DCDC2: variants seen among roughly 807,000 people sequenced by gnomAD.
DCDC2 encodes the protein doublecortin domain containing 2, also known as doublecortin domain-containing protein 2.
In DCDC2, 40 loss-of-function variants were observed where a neutral mutation model predicts 50.2. The ratio of observed to expected loss-of-function variants is 0.80; its 90% CI spans 0.62 to 1.04. DCDC2 has a LOEUF of 1.04. Among genes scored for constraint, DCDC2 ranks in the 50% least tolerant of loss-of-function variants. DCDC2 has a pLI of 0.00. For synonymous variants in DCDC2, 234 were observed against 210.6 expected (o/e 1.11, Z -0.96); for missense variants, 570 against 581.9 (o/e 0.98, Z 0.21).
At position 24,180,348 on chromosome 6, in the gene DCDC2, G is replaced by A. The variant is rs139944952; in HGVS notation, c.1024-1716C>T. Among the ~76,000 whole-genome samples the A allele has an allele frequency of 5.0e-4, 76 of 151,962 alleles. 1 individual carries two copies. In the East Asian group the frequency reaches 0.013, roughly 25 times the overall value. ...CGCCCTGGCTGGAGTGCAGTGGTGC[G>A]ATCTCTGCTCACTGCAAGCCCCGCT... On this transcript the variant is annotated intron_variant, in intron 8 of 9. Transcript: ENST00000378454.
At chr6:24,301,387 A>AAAAAT (rs1759370768) in intron 4 of DCDC2, among the ~76,000 whole-genome samples, 1 of 151,278 alleles carries the variant, frequency 6.6e-6, no homozygotes, top group African/African-American at 2.4e-5. Flanking sequence ...AAAAAAAAAA[A>AAAAAT]AAAAAAGTTA....
At chr6:24,212,182 T>C (rs981072302) in intron 7 of DCDC2, among the ~76,000 whole-genome samples, 9 of 152,056 alleles carry the variant, frequency 5.9e-5, no homozygotes, top group Admixed American at 1.3e-4. Flanking sequence ...GGTGGAACAG[T>C]TTCATCCTGG....
At chr6:24,224,996 C>T (rs576519185) in intron 7 of DCDC2, among the ~76,000 whole-genome samples, 4 of 152,120 alleles carry the variant, frequency 2.6e-5, no homozygotes, top group Admixed American at 6.6e-5. Flanking sequence ...TGTGTGGGTG[C>T]GTGTTTCCAT....
At chr6:24,188,697 A>C (rs1207454034) in intron 8 of DCDC2, among the ~76,000 whole-genome samples, 2 of 152,152 alleles carry the variant, frequency 1.3e-5, no homozygotes, top group East Asian at 3.9e-4. Context: ...AAATTTCAGG[A>C]CTAGCTCATG....
chr6:24,367,023 T>TG, the DCDC2 span, among the ~76,000 whole-genome samples: 1 of 151,982 alleles, frequency 6.6e-6, no homozygotes, highest in South Asian at 2.1e-4. Context: ...TGTGGAGGGA[T>TG]GGGGGTCTCT....
At chr6:24,262,936 C>T (rs1476627991) in intron 7 of DCDC2, among the ~76,000 whole-genome samples, 1 of 152,216 alleles carries the variant, frequency 6.6e-6, no homozygotes, top group South Asian at 2.1e-4. Context: ...GTTGCCCTGG[C>T]TTTAGGTCTG....
intron 7 of DCDC2, among the ~76,000 whole-genome samples, chr6:24,237,307 A>C (rs943316055): frequency 2.0e-5 from 3 of 152,128 alleles, no homozygotes; most frequent in Admixed American, 1.3e-4. Flanking sequence ...TGTACACCAA[A>C]CCCCCGTGAC....
the DCDC2 span, among the ~76,000 whole-genome samples, chr6:24,369,133 C>CAAAAAAAAAAAAAAAA: frequency 1.1e-5 from 1 of 92,812 alleles, no homozygotes; most frequent in African/African-American, 4.8e-5. Context: ...GACTCTGTCT[C>CAAAAAAAAAAAAAAAA]AAAAAAAAAA....
At chr6:24,347,837 G>GA (rs977262837) in intron 2 of DCDC2, among the ~76,000 whole-genome samples, 11 of 152,008 alleles carry the variant, frequency 7.2e-5, no homozygotes, top group Non-Finnish European at 1.2e-4. Context: ...ATAGGTGGTG[G>GA]AAAAAAAGGC....
intron 2 of DCDC2, 66 bp downstream of exon 2, chr6:24,353,503 A>G (rs774354138): frequency 1.0e-6 from 1 of 1,003,408 alleles, no homozygotes; most frequent in Non-Finnish European, 1.5e-6. Flanking sequence ...CAAATCTCTA[A>G]GACACACCAT....
intron 8 of DCDC2, among the ~76,000 whole-genome samples, chr6:24,188,189 G>A (rs931922628): frequency 6.6e-6 from 1 of 152,190 alleles, no homozygotes; most frequent in African/African-American, 2.4e-5. Flanking sequence ...CTCCTGTGAT[G>A]CTGACAATGC....
intron 7 of DCDC2, among the ~76,000 whole-genome samples, chr6:24,217,550 G>A (rs1762009531): frequency 6.6e-6 from 1 of 152,136 alleles, no homozygotes; most frequent in Admixed American, 6.5e-5. Flanking sequence ...GCAAATCAGT[G>A]CAAATCAGTC....
chr6:24,266,846 A>C (rs1454795096), intron 7 of DCDC2, among the ~76,000 whole-genome samples: 1 of 152,266 alleles, frequency 6.6e-6, no homozygotes. Context: ...TCAAAGAGAT[A>C]TCTGCACTCC....
chr6:24,189,047 G>A (rs3789220), intron 8 of DCDC2, among the ~76,000 whole-genome samples: 7,606 of 152,132 alleles, frequency 0.05, 311 homozygotes, highest in East Asian at 0.15. Flanking sequence ...GTAATTGCTC[G>A]TAATATTTAT....
chr6:24,358,253 T>A (rs758658983), upstream of DCDC2: 51 of 241,970 alleles, frequency 2.1e-4, no homozygotes, highest in Non-Finnish European at 3.8e-4. Flanking sequence ...AATCTCCTGC[T>A]TGCTCCCAAA....
At chr6:24,200,053 T>G (rs1374529517) in intron 8 of DCDC2, among the ~76,000 whole-genome samples, 1 of 152,046 alleles carries the variant, frequency 6.6e-6, no homozygotes, top group Non-Finnish European at 1.5e-5. Context: ...CTAAAAGTGA[T>G]AGGGAGAATG....
intron 2 of DCDC2, among the ~76,000 whole-genome samples, chr6:24,304,391 G>T (rs1332805946): frequency 6.6e-6 from 1 of 152,212 alleles, no homozygotes; most frequent in African/African-American, 2.4e-5. Flanking sequence ...GCTGAAGCAT[G>T]AGAATTGCTT....
chr6:24,180,847 G>A (rs1296402997), intron 8 of DCDC2, among the ~76,000 whole-genome samples: 1 of 152,136 alleles, frequency 6.6e-6, no homozygotes, highest in East Asian at 1.9e-4. Context: ...GGAAGGAAAT[G>A]AAGGGGACAA....
intron 2 of DCDC2, among the ~76,000 whole-genome samples, chr6:24,345,435 G>C (rs1009211055): frequency 6.6e-6 from 1 of 152,104 alleles, no homozygotes; most frequent in African/African-American, 2.4e-5. Flanking sequence ...AAACTTTTCA[G>C]CAAGGCAAAG....
Sources: allele counts gnomAD v4.1 joint callset (sites outside exome capture counted in the v4.1 genomes callset), GRCh38; gene constraint gnomAD v4.1.1; transcripts MANE v1.5; gene names NCBI Gene and HGNC (gene_info 2026-07-23, HGNC 2026-07-21).